RAB2A: variants seen among roughly 807,000 people sequenced by gnomAD.
The protein encoded by RAB2A is ras-related protein Rab-2A.
A neutral mutation model predicts 32.5 loss-of-function variants in RAB2A; 7 were observed. That is an observed-to-expected ratio of 0.22 (90% CI 0.12 to 0.40). RAB2A has a LOEUF of 0.40. Ranked by LOEUF, RAB2A falls within the 10% of genes least tolerant of loss-of-function variation. The pLI, the probability that RAB2A is intolerant of heterozygous loss-of-function variation, is 1.00. For missense variants in RAB2A, 108 were observed against 260.7 expected (o/e 0.41, Z 4.03); for synonymous variants, 79 against 85.2 (o/e 0.93, Z 0.40).
intron 6 of RAB2A, among the ~76,000 whole-genome samples, chr8:60,592,866 A>T (rs927088634): frequency 6.6e-5 from 10 of 152,210 alleles, no homozygotes; most frequent in African/African-American, 2.4e-4. Context: ...ATCCAAAGTA[A>T]TACTTAGTTC....
At chr8:60,595,653 T>C (rs1296205121) in intron 6 of RAB2A, among the ~76,000 whole-genome samples, 1 of 152,154 alleles carries the variant, frequency 6.6e-6, no homozygotes, top group Non-Finnish European at 1.5e-5. Flanking sequence ...CATTATATAA[T>C]GATAAAAGAA....
chr8:60,596,341 T>C (rs1447207461), intron 6 of RAB2A, among the ~76,000 whole-genome samples: 2 of 152,120 alleles, frequency 1.3e-5, no homozygotes, highest in East Asian at 3.8e-4. Flanking sequence ...CAAAAGAAAC[T>C]ATCATCAGAG....
chr8:60,535,362 C>T (rs372265214), intron 1 of RAB2A, among the ~76,000 whole-genome samples: 15 of 152,166 alleles, frequency 9.9e-5, no homozygotes, highest in East Asian at 5.8e-4. Context: ...CAGTGGCTTA[C>T]GTATCCTTCC....
intron 1 of RAB2A, among the ~76,000 whole-genome samples, chr8:60,544,316 A>G (rs1807694205): frequency 8.5e-6 from 1 of 117,878 alleles, no homozygotes; most frequent in African/African-American, 3.3e-5. Context: ...CTAGGATTAC[A>G]GGCGTGAGCC....
chr8:60,592,061 G>T, intron 6 of RAB2A, 92 bp downstream of exon 6: 2 of 733,018 alleles, frequency 2.7e-6, no homozygotes, highest in Non-Finnish European at 4.3e-6. Context: ...GTTTTTAGTC[G>T]GATGGTCTTT....
At chr8:60,608,891 G>T (rs190716713) in intron 6 of RAB2A, among the ~76,000 whole-genome samples, 2 of 151,968 alleles carry the variant, frequency 1.3e-5, no homozygotes, top group African/African-American at 2.4e-5. Context: ...CAGTTAATAC[G>T]TATCACTTTT....
intron 1 of RAB2A, among the ~76,000 whole-genome samples, chr8:60,531,778 A>G (rs990419053): frequency 4.7e-5 from 7 of 150,510 alleles, no homozygotes; most frequent in African/African-American, 1.7e-4. Flanking sequence ...AGGGAAGGCC[A>G]GTAGTCATCT....
chr8:60,616,985 G>C (rs1804458877), intron 6 of RAB2A, among the ~76,000 whole-genome samples: 1 of 152,188 alleles, frequency 6.6e-6, no homozygotes. Flanking sequence ...TCCTCTCCAT[G>C]AATGCTGTTT....
At chr8:60,540,140 A>G (rs951304494) in intron 1 of RAB2A, among the ~76,000 whole-genome samples, 1 of 150,428 alleles carries the variant, frequency 6.6e-6, no homozygotes, top group African/African-American at 2.5e-5. Flanking sequence ...ATAGTAGCGT[A>G]GACATACTAG....
chr8:60,558,646 G>A, intron 1 of RAB2A: 1 of 599,910 alleles, frequency 1.7e-6, no homozygotes, highest in Non-Finnish European at 3.0e-6. Context: ...GTGTAAGAAA[G>A]GGTGAAAATG....
intron 6 of RAB2A, among the ~76,000 whole-genome samples, chr8:60,601,148 G>T (rs1804127805): frequency 6.6e-6 from 1 of 152,022 alleles, no homozygotes; most frequent in African/African-American, 2.4e-5. Flanking sequence ...TATGGAATAT[G>T]GCTATAGAAG....
At chr8:60,540,996 G>T (rs542236335) in intron 1 of RAB2A, among the ~76,000 whole-genome samples, 1 of 152,150 alleles carries the variant, frequency 6.6e-6, no homozygotes, top group Admixed American at 6.6e-5. Context: ...GGAAAAGAGG[G>T]GGAAAGTTCC....
At chr8:60,616,799 T>C (rs1198135753) in intron 6 of RAB2A, among the ~76,000 whole-genome samples, 1 of 152,256 alleles carries the variant, frequency 6.6e-6, no homozygotes, top group African/African-American at 2.4e-5. Flanking sequence ...TCTCCTTCAC[T>C]GACTGGTGTG....
At chr8:60,558,417 A>T (rs757476161) in intron 1 of RAB2A, 1 of 509,738 alleles carries the variant, frequency 2.0e-6, no homozygotes, top group East Asian at 5.5e-5. Flanking sequence ...AGCTTTTCCC[A>T]GAAAAGTAGA....
At chr8:60,584,871 AT>A in intron 5 of RAB2A, 56 bp downstream of exon 5, 1 of 1,236,534 alleles carries the variant, frequency 8.1e-7, no homozygotes, top group Non-Finnish European at 1.1e-6. Flanking sequence ...TGTACTGTTT[AT>A]TTGACTACTT....
chr8:60,573,291 A>G (rs1808223418), intron 3 of RAB2A, among the ~76,000 whole-genome samples: 1 of 152,328 alleles, frequency 6.6e-6, no homozygotes, highest in African/African-American at 2.4e-5. Flanking sequence ...TTTAATCATC[A>G]TATACCCGTG....
At chr8:60,561,875 C>A (rs1395311993) in intron 2 of RAB2A, among the ~76,000 whole-genome samples, 1 of 152,186 alleles carries the variant, frequency 6.6e-6, no homozygotes, top group Non-Finnish European at 1.5e-5. Flanking sequence ...ATTTAGTCAT[C>A]ATGTCCTTAT....
chr8:60,590,610 TATA>T (rs1803926794), intron 5 of RAB2A, among the ~76,000 whole-genome samples: 1 of 148,000 alleles, frequency 6.8e-6, no homozygotes, highest in African/African-American at 2.5e-5. Context: ...TACATATATA[TATA>T]ATGCTTATTG....
At chr8:60,556,310 T>C (rs1356735955) in intron 1 of RAB2A, among the ~76,000 whole-genome samples, 3 of 152,148 alleles carry the variant, frequency 2.0e-5, no homozygotes, top group Non-Finnish European at 4.4e-5. Flanking sequence ...AGGGTGACTA[T>C]GATTAATAAT....
Sources: allele counts gnomAD v4.1 joint callset (sites outside exome capture counted in the v4.1 genomes callset), GRCh38; gene constraint gnomAD v4.1.1; transcripts MANE v1.5; gene names NCBI Gene and HGNC (gene_info 2026-07-23, HGNC 2026-07-21).